The following DMD variants were observed in gnomAD, a reference collection of about 807,000 sequenced individuals.
The protein encoded by DMD is dystrophin, also known as mutant dystrophin.
A neutral mutation model predicts 330.1 loss-of-function variants in DMD; 63 were observed. The ratio of observed to expected loss-of-function variants is 0.19; its 90% confidence interval spans 0.16 to 0.24. DMD has a LOEUF of 0.24. DMD is among the 10% of genes least tolerant of loss of function. The pLI is 1.00. For synonymous variants in DMD, 1,223 were observed against 959.8 expected, an observed-to-expected ratio of 1.27 and a Z score of -5.07; for missense variants, 3,344 against 2,684.1, an observed-to-expected ratio of 1.25 and a Z score of -5.43.
chrX:31,371,312 A>T (rs909857502), intron 60 of DMD, among the ~76,000 whole-genome samples: 2 of 101,146 alleles, frequency 2.0e-5, no homozygotes, highest in African/African-American at 6.7e-5. Context: ...TTGAATATTA[A>T]TTCTAAGGTT....
intron 55 of DMD, among the ~76,000 whole-genome samples, chrX:31,522,512 G>C (rs1175107059): frequency 9.4e-6 from 1 of 106,064 alleles, no homozygotes; most frequent in African/African-American, 3.5e-5. Flanking sequence ...TGGTGGCAGT[G>C]AAAAGGTACA....
chrX:32,642,966 T>C (rs776947680), intron 11 of DMD, among the ~76,000 whole-genome samples: 2 of 111,322 alleles, frequency 1.8e-5, no homozygotes, highest in Non-Finnish European at 3.8e-5. Flanking sequence ...ACCTGAAGAA[T>C]GTTGGCATAT....
chrX:32,955,669 A>T (rs890351871), intron 2 of DMD, among the ~76,000 whole-genome samples: 9 of 111,327 alleles, frequency 8.1e-5, no homozygotes, highest in Admixed American at 3.8e-4. Context: ...TTATAGTTTG[A>T]GGTTTTATAT....
At chrX:31,982,478 CTG>C (rs2150263053) in intron 44 of DMD, among the ~76,000 whole-genome samples, 1 of 111,786 alleles carries the variant, frequency 8.9e-6, no homozygotes, top group South Asian at 3.8e-4. Context: ...GAGATTTAGA[CTG>C]TATCAATATC....
intron 2 of DMD, among the ~76,000 whole-genome samples, chrX:32,889,392 AG>A (rs1198370872): frequency 1.8e-5 from 2 of 110,828 alleles, no homozygotes; most frequent in Non-Finnish European, 3.8e-5. Flanking sequence ...CCAAGGAACA[AG>A]GTCCCTATGG....
At chrX:32,534,017 G>C (rs1040087936) in intron 17 of DMD, among the ~76,000 whole-genome samples, 2 of 112,011 alleles carry the variant, frequency 1.8e-5, no homozygotes, top group Non-Finnish European at 3.8e-5. Context: ...TCCATCTACT[G>C]TGTTAGTAAG....
intron 44 of DMD, among the ~76,000 whole-genome samples, chrX:32,007,283 G>T (rs2095669714): frequency 9.2e-6 from 1 of 108,510 alleles, no homozygotes; most frequent in South Asian, 4.1e-4. Flanking sequence ...GACACACAAA[G>T]AAGAGGGTTA....
At chrX:32,413,744 G>A (rs186877868) in intron 29 of DMD, among the ~76,000 whole-genome samples, 1,586 of 95,305 alleles carry the variant, frequency 0.017, 22 homozygotes, top group Non-Finnish European at 0.025. Context: ...AGATGGAGGC[G>A]GAGTCTCTCT....
chrX:31,484,189 T>C (rs1265901261), intron 57 of DMD, among the ~76,000 whole-genome samples: 1 of 111,721 alleles, frequency 9.0e-6, no homozygotes, highest in Non-Finnish European at 1.9e-5. Context: ...ATAAGTGTCT[T>C]GTCTCCCAAA....
At chrX:31,384,693 T>A (rs958255011) in intron 60 of DMD, among the ~76,000 whole-genome samples, 1 of 111,709 alleles carries the variant, frequency 9.0e-6, no homozygotes, top group African/African-American at 3.3e-5. Context: ...TGCCCTTTTC[T>A]GTCCATGATG....
chrX:31,592,226 G>T (rs1211714867), intron 55 of DMD, among the ~76,000 whole-genome samples: 2 of 108,041 alleles, frequency 1.9e-5, no homozygotes, highest in African/African-American at 3.4e-5. Context: ...CAATGAGATG[G>T]TATTAATATT....
chrX:32,090,698 GA>G (rs917536273), intron 44 of DMD, among the ~76,000 whole-genome samples: 4 of 111,476 alleles, frequency 3.6e-5, no homozygotes, highest in African/African-American at 1.3e-4. Context: ...TCCAGTTTCT[GA>G]AAAGGTAGTA....
intron 3 of DMD, among the ~76,000 whole-genome samples, chrX:32,847,465 C>A (rs1317919478): frequency 8.9e-6 from 1 of 112,234 alleles, no homozygotes; most frequent in Non-Finnish European, 1.9e-5. Context: ...ACTAAAATTT[C>A]TGTTCTATAG....
chrX:33,091,722 G>C (rs1911994307), intron 1 of DMD, among the ~76,000 whole-genome samples: 2 of 111,655 alleles, frequency 1.8e-5, no homozygotes, highest in Non-Finnish European at 3.8e-5. Context: ...AGTCATGAAG[G>C]CTGCTTTACA....
At chrX:31,450,556 T>C (rs978396012) in intron 59 of DMD, among the ~76,000 whole-genome samples, 8 of 112,637 alleles carry the variant, frequency 7.1e-5, no homozygotes, top group Non-Finnish European at 1.3e-4. Flanking sequence ...TCTGTAATTT[T>C]TGACTTTTCA....
chrX:32,638,547 G>A (rs997437342), intron 11 of DMD, among the ~76,000 whole-genome samples: 20 of 111,750 alleles, frequency 1.8e-4, no homozygotes, highest in African/African-American at 5.5e-4. Flanking sequence ...CTCAGGTGAC[G>A]CTGATGCTAC....
chrX:32,514,523 C>T (rs867732486), intron 18 of DMD, among the ~76,000 whole-genome samples: 6 of 111,727 alleles, frequency 5.4e-5, no homozygotes, highest in African/African-American at 1.6e-4. Context: ...GGGCGGATCA[C>T]GAGGTCAGGA....
rs1252223812 is a variant in DMD, at chrX:32,924,330, C to T, written c.94-74510G>A. On this transcript the variant is annotated intron_variant, in intron 2 of 78. Transcript: ENST00000357033. ...ATTGCTTGAGGCCAGGAGTTCTAGA[C>T]CAGCTTGGGAAACATAGCAAGACCC... 3.6e-5 allele frequency among the ~76,000 whole-genome samples: 4 copies of T among 110,736 alleles called. No homozygotes were observed. The East Asian group carries it at 1.1e-3, about 32-fold the overall frequency.
intron 1 of DMD, among the ~76,000 whole-genome samples, chrX:33,302,714 A>G (rs979858045): frequency 9.0e-6 from 1 of 111,435 alleles, no homozygotes; most frequent in African/African-American, 3.3e-5. Flanking sequence ...CACCCACGCT[A>G]TCTACATCTC....
Sources: allele counts gnomAD v4.1 joint callset (sites outside exome capture counted in the v4.1 genomes callset), GRCh38; gene constraint gnomAD v4.1.1; transcripts MANE v1.5; gene names NCBI Gene and HGNC (gene_info 2026-07-23, HGNC 2026-07-21).